PALM2AKAP2: variants seen among roughly 807,000 people sequenced by gnomAD.
PALM2AKAP2 encodes the protein PALM2 and AKAP2 fusion, also known as PALM2-AKAP2 fusion protein.
PALM2AKAP2 carries 37 observed loss-of-function variants against 71.5 expected under a neutral mutation model. The ratio of observed to expected loss-of-function variants is 0.52; its 90% confidence interval spans 0.40 to 0.68. The LOEUF is 0.68. Among genes scored for constraint, PALM2AKAP2 ranks in the 30% least tolerant of loss-of-function variants. The pLI is 0.00. For synonymous variants in PALM2AKAP2, 468 were observed against 478.8 expected, an observed-to-expected ratio of 0.98 and a Z score of 0.29; for missense variants, 1,224 against 1,191.8, an observed-to-expected ratio of 1.03 and a Z score of -0.40.
intron 1 of PALM2AKAP2, among the ~76,000 whole-genome samples, chr9:109,747,860 A>G (rs1828827040): frequency 6.6e-6 from 1 of 152,062 alleles, no homozygotes; most frequent in Non-Finnish European, 1.5e-5. Flanking sequence ...TGGTAGAGAC[A>G]GGGTTTTGGC....
At chr9:109,716,173 G>A (rs563576743) in intron 1 of PALM2AKAP2, among the ~76,000 whole-genome samples, 1 of 152,186 alleles carries the variant, frequency 6.6e-6, no homozygotes, top group Non-Finnish European at 1.5e-5. Context: ...TGTGACAACT[G>A]GGGTTTTATG....
At chr9:109,736,383 C>T (rs1828635755) in intron 1 of PALM2AKAP2, among the ~76,000 whole-genome samples, 1 of 151,996 alleles carries the variant, frequency 6.6e-6, no homozygotes, top group Non-Finnish European at 1.5e-5. Flanking sequence ...CAAGAATGGT[C>T]TAGGTGTTAT....
intron 3 of PALM2AKAP2, among the ~76,000 whole-genome samples, chr9:109,905,712 G>C (rs1017439979): frequency 6.6e-6 from 1 of 152,220 alleles, no homozygotes; most frequent in African/African-American, 2.4e-5. Flanking sequence ...AGGTTAAGGG[G>C]CCAGGCTGTC....
At chr9:109,931,850 A>G (rs1311745320) in intron 5 of PALM2AKAP2, 77 bp from the exon 6 acceptor site, 20 of 1,511,794 alleles carry the variant, frequency 1.3e-5, no homozygotes, top group Non-Finnish European at 1.7e-5. Flanking sequence ...TAGGGCAGAC[A>G]AGCTGCTGTC....
chr9:110,073,041 T>C (rs896187625), intron 1 of PALM2AKAP2, among the ~76,000 whole-genome samples: 2 of 152,246 alleles, frequency 1.3e-5, no homozygotes, highest in African/African-American at 4.8e-5. Flanking sequence ...GCCCAAACTG[T>C]TAAGCATTGC....
intron 6 of PALM2AKAP2, among the ~76,000 whole-genome samples, chr9:109,949,140 C>T (rs1267923145): frequency 6.6e-6 from 1 of 152,246 alleles, no homozygotes; most frequent in Non-Finnish European, 1.5e-5. Context: ...GCCCGTCTAC[C>T]AACCAAACAC....
intron 1 of PALM2AKAP2, among the ~76,000 whole-genome samples, chr9:110,107,032 A>G (rs1220605172): frequency 6.6e-6 from 1 of 152,240 alleles, no homozygotes; most frequent in Non-Finnish European, 1.5e-5. Context: ...GGAAGGGATT[A>G]TCACTGAGCT....
chr9:109,883,495 G>A (rs928669423), intron 3 of PALM2AKAP2, among the ~76,000 whole-genome samples: 1 of 152,080 alleles, frequency 6.6e-6, no homozygotes, highest in African/African-American at 2.4e-5. Flanking sequence ...TCCTCTGCAG[G>A]GCCTTCTGAG....
At chr9:110,000,460 C>A (rs1832662264) in intron 6 of PALM2AKAP2, among the ~76,000 whole-genome samples, 1 of 152,140 alleles carries the variant, frequency 6.6e-6, no homozygotes, top group Non-Finnish European at 1.5e-5. Context: ...GTGAATACTG[C>A]CGCAATAAAC....
chr9:109,750,570 A>AAGTGTGTGTGTGTGTGTG (rs746154004), intron 1 of PALM2AKAP2, among the ~76,000 whole-genome samples: 1 of 97,764 alleles, frequency 1.0e-5, no homozygotes, highest in African/African-American at 4.0e-5. Flanking sequence ...CTGCCCTAGG[A>AAGTGTGTGTGTGTGTGTG]CGTGTGTGTG....
chr9:109,647,907 G>T (rs1827175700), intron 1 of PALM2AKAP2, among the ~76,000 whole-genome samples: 1 of 152,128 alleles, frequency 6.6e-6, no homozygotes, highest in Non-Finnish European at 1.5e-5. Flanking sequence ...ATGTCACTTA[G>T]CCCCCCTTTT....
At chr9:109,764,663 CA>C (rs1254899666) in intron 1 of PALM2AKAP2, among the ~76,000 whole-genome samples, 1 of 152,128 alleles carries the variant, frequency 6.6e-6, no homozygotes, top group Non-Finnish European at 1.5e-5. Context: ...AACTCTGCCT[CA>C]CCGATGCCAG....
intron 1 of PALM2AKAP2, among the ~76,000 whole-genome samples, chr9:110,100,352 C>T (rs1417251444): frequency 6.6e-6 from 1 of 152,032 alleles, no homozygotes; most frequent in Non-Finnish European, 1.5e-5. Flanking sequence ...CATGTTTCAG[C>T]GTTTGTCTCT....
chr9:109,884,811 G>A (rs184162131), intron 3 of PALM2AKAP2, among the ~76,000 whole-genome samples: 105 of 152,270 alleles, frequency 6.9e-4, no homozygotes, highest in Middle Eastern at 3.4e-3. Context: ...AGGTATTTTC[G>A]TCCTTGTTGT....
At chr9:110,014,851 T>TACACAC (rs1360117476) in intron 6 of PALM2AKAP2, among the ~76,000 whole-genome samples, 25 of 89,540 alleles carry the variant, frequency 2.8e-4, no homozygotes, top group African/African-American at 1.0e-3. Flanking sequence ...TATATATATA[T>TACACAC]ACACACACAC....
intron 1 of PALM2AKAP2, among the ~76,000 whole-genome samples, chr9:109,792,284 A>G (rs1827133955): frequency 6.6e-6 from 1 of 152,176 alleles, no homozygotes; most frequent in South Asian, 2.1e-4. Flanking sequence ...GAAGAGAAAA[A>G]TAGACTTATT....
intron 5 of PALM2AKAP2, among the ~76,000 whole-genome samples, chr9:109,927,028 G>A (rs762278731): frequency 6.6e-6 from 1 of 152,170 alleles, no homozygotes; most frequent in African/African-American, 2.4e-5. Flanking sequence ...CCTCCAGGAT[G>A]GGGGAGCTCA....
exon 4 of PALM2AKAP2, chr9:110,168,482 A>G: frequency 6.2e-7 from 1 of 1,614,150 alleles, no homozygotes; most frequent in Non-Finnish European, 8.5e-7. Context: ...ACCAGGAGGA[A>G]GAAGACAACG....
chr9:109,919,765 GTA>G (rs138804024), intron 3 of PALM2AKAP2, among the ~76,000 whole-genome samples: 179 of 150,712 alleles, frequency 1.2e-3, no homozygotes, highest in African/African-American at 4.1e-3. Flanking sequence ...GTGTGTGTGT[GTA>G]TATATGTAAA....
Sources: gnomAD v4.1 joint callset for allele counts (sites outside exome capture counted in the v4.1 genomes callset) on GRCh38, gnomAD v4.1.1 for gene constraint, MANE v1.5 for transcripts, NCBI Gene and HGNC (gene_info 2026-07-23, HGNC 2026-07-21) for gene names.